FREM1: variants seen among roughly 807,000 people sequenced by gnomAD.
FREM1 encodes the protein FRAS1 related extracellular matrix 1.
A neutral mutation model predicts 210.1 loss-of-function variants in FREM1; 220 were observed. The ratio of observed to expected loss-of-function variants is 1.05; its 90% CI spans 0.94 to 1.17. The LOEUF is 1.17. Ranked by LOEUF, FREM1 falls within the 50% of genes most tolerant of loss-of-function variation. FREM1 has a pLI of 0.00. For synonymous variants in FREM1, 1,189 were observed against 980.2 expected (o/e 1.21, Z -3.98); for missense variants, 3,454 against 2,675.5 (o/e 1.29, Z -6.42).
intron 10 of FREM1, among the ~76,000 whole-genome samples, chr9:14,828,892 TAC>T (rs1452938120): frequency 6.6e-6 from 1 of 152,206 alleles, no homozygotes; most frequent in African/African-American, 2.4e-5. Flanking sequence ...AATTTGACGG[TAC>T]AGTTATAGTC....
intron 10 of FREM1, among the ~76,000 whole-genome samples, chr9:14,840,047 A>G (rs1294176815): frequency 6.6e-6 from 1 of 152,206 alleles, no homozygotes; most frequent in Non-Finnish European, 1.5e-5. Flanking sequence ...AATAGGGATT[A>G]CCTATTGCCT....
rs756681797 is a variant in FREM1, at chr9:14,805,046, A to C, written c.3381T>G (p.Asp1127Glu). The C allele has an allele frequency of 6.2e-7, 1 of 1,613,426 alleles. No individual in the cohort carries two copies. The highest frequency in any genetic ancestry group is 8.5e-7 in the Non-Finnish European group (1 of 1,179,340). Residue 1127 changes from aspartate (D) to glutamate (E), a missense_variant, in exon 19 of 37, where the codon GAT becomes GAG. Coordinates refer to ENST00000380880, the MANE Select transcript of FREM1 (RefSeq NM_001379081.2). ...GTATCTCCAAGGAGTGATGCTTCCC[A>C]TCTGTGACGTACACCGTGAACTGGT... ...TADQFTVYVTDGKHHSLEIPF... is the reference protein window; with the variant it reads ...TADQFTVYVTEGKHHSLEIPF...
chr9:14,758,039 G>A (rs142820956), intron 28 of FREM1, among the ~76,000 whole-genome samples: 1 of 152,172 alleles, frequency 6.6e-6, no homozygotes, highest in African/African-American at 2.4e-5. Context: ...GAAAAGGAAT[G>A]GTCTGAGGCA....
At chr9:14,801,413 T>C (rs1387011777) in intron 20 of FREM1, among the ~76,000 whole-genome samples, 3 of 152,246 alleles carry the variant, frequency 2.0e-5, no homozygotes, top group Admixed American at 1.3e-4. Flanking sequence ...AAGTATGCAA[T>C]ATATTGTTAA....
chr9:14,816,905 G>A (rs1276642626), intron 14 of FREM1, 34 bp from the exon 15 acceptor site: 1 of 849,998 alleles, frequency 1.2e-6, no homozygotes, highest in Non-Finnish European at 1.7e-6. Flanking sequence ...AACCTCTTAG[G>A]AACAGTGTGA....
chr9:14,882,087 C>T (rs7870274), intron 1 of FREM1, among the ~76,000 whole-genome samples: 9,778 of 151,484 alleles, frequency 0.065, 410 homozygotes, highest in East Asian at 0.14. Context: ...AAACTTCTTT[C>T]CTATTTAACT....
At chr9:14,786,106 C>T (rs1850387037) in intron 23 of FREM1, among the ~76,000 whole-genome samples, 1 of 152,122 alleles carries the variant, frequency 6.6e-6, no homozygotes, top group Non-Finnish European at 1.5e-5. Flanking sequence ...ACTAAAGACC[C>T]TTACACCTTC....
intron 22 of FREM1, among the ~76,000 whole-genome samples, chr9:14,789,679 A>T (rs976027269): frequency 6.6e-6 from 1 of 152,212 alleles, no homozygotes; most frequent in Non-Finnish European, 1.5e-5. Context: ...TTTATATCCT[A>T]AGTCATCAAA....
chr9:14,851,652 G>A (rs774587269), intron 5 of FREM1, 45 bp from the exon 6 acceptor site: 12 of 1,388,398 alleles, frequency 8.6e-6, no homozygotes, highest in Admixed American at 5.0e-5. Flanking sequence ...TAATATGAAT[G>A]AGGTGATATC....
At chr9:14,870,356 TG>T (rs1832385686) in intron 1 of FREM1, among the ~76,000 whole-genome samples, 1 of 152,206 alleles carries the variant, frequency 6.6e-6, no homozygotes, top group African/African-American at 2.4e-5. Flanking sequence ...CTGTTTTTTA[TG>T]GTATCAGTCC....
chr9:14,806,955 G>A (rs1818483002), intron 17 of FREM1, 109 bp from the exon 18 acceptor site: 1 of 571,016 alleles, frequency 1.8e-6, no homozygotes, highest in Non-Finnish European at 2.9e-6. Flanking sequence ...CCTCCCACGT[G>A]CAAAAACATT....
Position 14,819,357 on chromosome 9 carries a change from T to C in FREM1, c.2423A>G (p.Lys808Arg). The C allele has an allele frequency of 6.2e-7, 1 of 1,613,616 alleles. No homozygotes were observed. Among genetic ancestry groups the C allele is most frequent in the East Asian group, 2.2e-5 (1 of 44,874 alleles). Residue 808 changes from lysine (K) to arginine (R), a missense_variant, in exon 14 of 37, where the codon AAG (lysine) becomes AGG (arginine). By Grantham distance (26) the Lys-to-Arg change is conservative. Transcript: ENST00000380880. ...EHILISDADT[K>R]LDNIDLSLRE... Reference sequence around the variant, plus strand: ...CAGGGAGAGGTCAATATTGTCCAGCTTGGTATCTGCATCAGAAATTAGAAT... The same window carrying C: ...CAGGGAGAGGTCAATATTGTCCAGCCTGGTATCTGCATCAGAAATTAGAAT...
chr9:14,875,864 C>T (rs1833614492), intron 1 of FREM1, among the ~76,000 whole-genome samples: 2 of 152,138 alleles, frequency 1.3e-5, no homozygotes, highest in South Asian at 4.1e-4. Context: ...GTGTGGATGT[C>T]CTTTCTGTTT....
At chr9:14,794,862 G>T (rs182950705) in intron 21 of FREM1, among the ~76,000 whole-genome samples, 2 of 152,180 alleles carry the variant, frequency 1.3e-5, no homozygotes, top group Non-Finnish European at 2.9e-5. Context: ...GCCAGGCGTG[G>T]TGGCAGGCGC....
At chr9:14,803,576 C>A (rs1160282306) in intron 19 of FREM1, among the ~76,000 whole-genome samples, 2 of 151,806 alleles carry the variant, frequency 1.3e-5, no homozygotes, top group Non-Finnish European at 2.9e-5. Flanking sequence ...GCCACATTGC[C>A]CAGGCTGGTC....
In FREM1 at chr9:14,868,966, C is replaced by A. The variant is rs781662582; in HGVS notation, c.12G>T (p.Leu4=). The A allele has an allele frequency of 2.7e-5, 42 of 1,578,126 alleles. 1 individual carries two copies. The South Asian group carries it at 4.7e-4, about 18-fold the overall frequency. ...GCACGGCATTCGCAGCCCCCCAACTCAGAGAGTTCATGCTGACAGGGCCCA... is the reference window on the plus strand; with the variant it reads ...GCACGGCATTCGCAGCCCCCCAACTAAGAGAGTTCATGCTGACAGGGCCCA... MNS[L]SWGAANAVLL... The change falls in exon 2 of 37, where the codon CTG becomes CTT. Residue 4 remains leucine (L), a synonymous_variant. Transcript: ENST00000380880.
chr9:14,783,033 G>C (rs1379938914), intron 24 of FREM1, among the ~76,000 whole-genome samples: 2 of 152,154 alleles, frequency 1.3e-5, no homozygotes, highest in South Asian at 2.1e-4. Context: ...TGAATGCCTA[G>C]CAACACTCAA....
In FREM1 at chr9:14,808,014, T is replaced by G; in HGVS notation, c.3014A>C (p.His1005Pro). The change falls in exon 17 of 37, where the codon CAT becomes CCT. Residue 1005 changes from histidine to proline, a missense_variant. Transcript: ENST00000380880. ...YNGPNPSVPL[H>P]ASFPVYDLNI... ...GAGATCATACACTGGAAAGGACGCA[T>G]GAAGTGGAACAGATGGATTGGGTCC... The G allele has an allele frequency of 6.2e-7, 1 of 1,613,852 alleles. No homozygotes were observed. The highest frequency in any genetic ancestry group is 8.5e-7 in the Non-Finnish European group (1 of 1,179,790).
intron 17 of FREM1, 70 bp from the exon 18 acceptor site, chr9:14,806,916 G>A: frequency 1.1e-6 from 1 of 898,912 alleles, no homozygotes; most frequent in Admixed American, 3.2e-5. Flanking sequence ...AGGACAAAAT[G>A]CAGTGACTGA....
Sources: allele counts gnomAD v4.1 joint callset (sites outside exome capture counted in the v4.1 genomes callset), GRCh38; gene constraint gnomAD v4.1.1; transcripts MANE v1.5; gene names NCBI Gene and HGNC (gene_info 2026-07-23, HGNC 2026-07-21).